The following WWOX variants were observed in gnomAD, a reference collection of about 807,000 sequenced individuals.
The protein encoded by WWOX is WW domain containing oxidoreductase.
A neutral mutation model predicts 46.2 loss-of-function variants in WWOX; 69 were observed. That is an observed-to-expected ratio of 1.49 (90% CI 1.23 to 1.82). The LOEUF is 1.82. WWOX is among the 40% of genes most tolerant of loss of function. The pLI, the probability that WWOX is intolerant of heterozygous loss-of-function variation, is 0.00. For missense variants in WWOX, 919 were observed against 542.6 expected, an observed-to-expected ratio of 1.69 and a Z score of -6.89; for synonymous variants, 359 against 202.6, an observed-to-expected ratio of 1.77 and a Z score of -6.56.
intron 5 of WWOX, among the ~76,000 whole-genome samples, chr16:78,380,407 C>A (rs72796067): frequency 6.6e-6 from 1 of 152,034 alleles, no homozygotes. Flanking sequence ...CTGCACCCTG[C>A]GAAGATGCTA....
intron 8 of WWOX, among the ~76,000 whole-genome samples, chr16:78,864,941 T>C (rs2043971295): frequency 6.6e-6 from 1 of 151,664 alleles, no homozygotes; most frequent in African/African-American, 2.4e-5. Flanking sequence ...TTTTGTATTT[T>C]TAGTAGAGTT....
chr16:78,948,442 G>C (rs1284072412), intron 8 of WWOX, among the ~76,000 whole-genome samples: 1 of 152,132 alleles, frequency 6.6e-6, no homozygotes, highest in African/African-American at 2.4e-5. Context: ...TTTCTTGTGA[G>C]TGAGCCAGAG....
At chr16:78,441,669 A>G (rs2083447440) in intron 8 of WWOX, among the ~76,000 whole-genome samples, 2 of 152,146 alleles carry the variant, frequency 1.3e-5, no homozygotes, top group Admixed American at 6.6e-5. Context: ...ACTCTTGGGC[A>G]AGGTTCAAAA....
At chr16:79,177,603 A>G (rs530675668) in intron 8 of WWOX, among the ~76,000 whole-genome samples, 44 of 152,234 alleles carry the variant, frequency 2.9e-4, no homozygotes, top group Non-Finnish European at 5.0e-4. Flanking sequence ...GGGGGAAAAA[A>G]GTGGGAGCAT....
At chr16:78,767,582 C>A (rs546888839) in intron 8 of WWOX, among the ~76,000 whole-genome samples, 8 of 151,826 alleles carry the variant, frequency 5.3e-5, no homozygotes, top group Non-Finnish European at 1.0e-4. Context: ...TGCATGTATA[C>A]CTAGGAGTGA....
At chr16:78,846,304 A>G (rs2052297330) in intron 8 of WWOX, among the ~76,000 whole-genome samples, 1 of 152,176 alleles carries the variant, frequency 6.6e-6, no homozygotes, top group African/African-American at 2.4e-5. Flanking sequence ...TCAGACTATA[A>G]CTGACCAACA....
At chr16:79,112,932 C>G (rs2049445113) in intron 8 of WWOX, among the ~76,000 whole-genome samples, 1 of 152,320 alleles carries the variant, frequency 6.6e-6, no homozygotes, top group Admixed American at 6.5e-5. Context: ...CTGAAAACCA[C>G]TTTTGCTCTC....
chr16:79,199,473 G>A (rs796150091), intron 8 of WWOX, among the ~76,000 whole-genome samples: 2 of 152,308 alleles, frequency 1.3e-5, no homozygotes, highest in African/African-American at 2.4e-5. Flanking sequence ...CTCTTAGCAG[G>A]AGGCCGCCAG....
intron 8 of WWOX, among the ~76,000 whole-genome samples, chr16:78,634,161 G>A (rs1401432228): frequency 6.6e-6 from 1 of 152,156 alleles, no homozygotes; most frequent in African/African-American, 2.4e-5. Flanking sequence ...AAAATTTTTA[G>A]CATTAGAGAT....
chr16:78,414,082 C>A (rs373899815), intron 6 of WWOX, among the ~76,000 whole-genome samples: 2 of 151,998 alleles, frequency 1.3e-5, no homozygotes, highest in Admixed American at 6.6e-5. Context: ...TTGTGACATT[C>A]CTCTTCCTGA....
intron 8 of WWOX, among the ~76,000 whole-genome samples, chr16:78,607,647 T>C (rs2045793791): frequency 6.7e-6 from 1 of 150,218 alleles, no homozygotes; most frequent in African/African-American, 2.4e-5. Context: ...TGTTCTTCTT[T>C]TTTTTTTTTT....
rs2048845515 is a variant in WWOX at position 78,726,717 on chromosome 16, T to C, written c.1056+293965T>C. 3.3e-5 allele frequency among the ~76,000 whole-genome samples: 3 copies of C among 89,658 alleles called. No homozygotes were observed. In the South Asian group the frequency reaches 9.7e-4, roughly 29 times the overall value. The allele number at this position is 89,658 out of a possible 152,430, so 58.8% of individuals were successfully genotyped here. A position where few individuals can be genotyped will look rare whatever the true frequency, so the allele number is the denominator to read the frequency against. On this transcript the variant is annotated intron_variant, in intron 8 of 8. Transcript: ENST00000566780. ...TAGTTGGTTGGTTGGTTTTGTTTTG[T>C]TTTGTTCCTTTTTTTTTTTGCCAGG...
At chr16:79,106,215 A>G (rs1465020378) in intron 8 of WWOX, among the ~76,000 whole-genome samples, 1 of 152,198 alleles carries the variant, frequency 6.6e-6, no homozygotes, top group Non-Finnish European at 1.5e-5. Flanking sequence ...AGTGCCTGCT[A>G]AAGTTTGATG....
At chr16:79,041,165 C>T (rs899098997) in intron 8 of WWOX, among the ~76,000 whole-genome samples, 1 of 152,238 alleles carries the variant, frequency 6.6e-6, no homozygotes, top group South Asian at 2.1e-4. Context: ...GATATTGACC[C>T]CATGGTCTTG....
At chr16:79,152,360 G>T (rs1047409727) in intron 8 of WWOX, among the ~76,000 whole-genome samples, 1 of 152,120 alleles carries the variant, frequency 6.6e-6, no homozygotes, top group African/African-American at 2.4e-5. Context: ...CCAAGGGGAA[G>T]ACAGTTAAGC....
At position 78,363,687 on chromosome 16, in the gene WWOX, T is replaced by A. The variant is rs1407661643; in HGVS notation, c.517-23173T>A. On this transcript the variant is annotated intron_variant, in intron 5 of 8. Coordinates refer to ENST00000566780, the MANE Select transcript of WWOX (RefSeq NM_016373.4). ...TTGACCACCACCATTCAGGTTCTTCTATTAACCTTCCTATATTTGCCAACC... is the reference window on the plus strand; with the variant it reads ...TTGACCACCACCATTCAGGTTCTTCAATTAACCTTCCTATATTTGCCAACC... 5.9e-5 allele frequency among the ~76,000 whole-genome samples: 9 copies of A among 152,324 alleles called. No individual in the cohort carries two copies. The South Asian group carries it at 1.9e-3, about 32-fold the overall frequency.
chr16:78,389,210 T>C lies in WWOX; in HGVS notation c.605+2262T>C, dbSNP rs531049466. ...TAGCTTCCACCCTTTGCCAGAACTA[T>C]CAAGAGGCACCTCAACAGGCTGCAA... On this transcript the variant is annotated intron_variant, in intron 6 of 8. Transcript: ENST00000566780. 4.6e-5 allele frequency among the ~76,000 whole-genome samples: 7 copies of C among 152,284 alleles called. No individual in the cohort carries two copies. The East Asian group carries it at 1.4e-3, about 29-fold the overall frequency.
At chr16:79,017,697 A>G (rs573260777) in intron 8 of WWOX, among the ~76,000 whole-genome samples, 11 of 151,834 alleles carry the variant, frequency 7.2e-5, no homozygotes, top group Non-Finnish European at 1.6e-4. Context: ...ATGAAATTAT[A>G]TTTTTTTGAT....
chr16:78,421,171 C>T (rs1169205713), intron 6 of WWOX, among the ~76,000 whole-genome samples: 3 of 152,110 alleles, frequency 2.0e-5, no homozygotes, highest in African/African-American at 4.8e-5. Context: ...TAACAAATTA[C>T]CACAGATGGA....
Sources: gnomAD v4.1 joint callset for allele counts (sites outside exome capture counted in the v4.1 genomes callset) on GRCh38, gnomAD v4.1.1 for gene constraint, MANE v1.5 for transcripts, NCBI Gene and HGNC (gene_info 2026-07-23, HGNC 2026-07-21) for gene names.